Variants in CNTN3 observed in about 807,000 individuals in gnomAD.
The protein encoded by CNTN3 is contactin 3, also known as contactin-3.
In CNTN3, 60 loss-of-function variants were observed where a neutral mutation model predicts 119.1. The observed-to-expected ratio is 0.50, with a 90% CI of 0.41 to 0.62. The LOEUF (loss-of-function observed/expected upper bound fraction) is 0.62, where lower values mean the gene tolerates loss of function less well. Among genes scored for constraint, CNTN3 ranks in the 20% least tolerant of loss-of-function variants. The pLI is 0.00. For synonymous variants in CNTN3, 450 were observed against 438.7 expected (o/e 1.03, Z -0.32); for missense variants, 1,101 against 1,242.4 (o/e 0.89, Z 1.71).
intron 22 of CNTN3, 73 bp downstream of exon 22, chr3:74,266,408 A>C: frequency 1.4e-6 from 2 of 1,397,704 alleles, no homozygotes; most frequent in Non-Finnish European, 2.0e-6. Flanking sequence ...GGACAGAGGG[A>C]TACTGATTGA....
intron 11 of CNTN3, among the ~76,000 whole-genome samples, chr3:74,346,651 T>C (rs1312683169): frequency 1.3e-5 from 2 of 152,012 alleles, no homozygotes; most frequent in Non-Finnish European, 2.9e-5. Context: ...GATCACAATA[T>C]AGGAGGCAGA....
chr3:74,595,017 T>C (rs1158306978), intron 1 of CNTN3, among the ~76,000 whole-genome samples: 8 of 152,222 alleles, frequency 5.3e-5, no homozygotes, highest in African/African-American at 9.6e-5. Context: ...TATCTCATTG[T>C]GGTTTTGATT....
intron 5 of CNTN3, among the ~76,000 whole-genome samples, chr3:74,395,742 G>C (rs553814387): frequency 6.6e-6 from 1 of 152,044 alleles, no homozygotes; most frequent in African/African-American, 2.4e-5. Flanking sequence ...TTTGCTTATT[G>C]TGCTTTGCAG....
intron 4 of CNTN3, among the ~76,000 whole-genome samples, chr3:74,477,428 C>A (rs190575365): frequency 2.0e-5 from 3 of 152,178 alleles, no homozygotes; most frequent in Admixed American, 2.0e-4. Context: ...GCAAGAGGGA[C>A]TCAGTAAAAG....
intron 4 of CNTN3, among the ~76,000 whole-genome samples, chr3:74,454,189 G>A (rs2106956555): frequency 7.8e-6 from 1 of 128,888 alleles, no homozygotes; most frequent in Admixed American, 8.2e-5. Flanking sequence ...ATGAATCTGG[G>A]TGCTCCTGTA....
intron 1 of CNTN3, among the ~76,000 whole-genome samples, chr3:74,537,642 GGGAAGGCAGA>G (rs1283541657): frequency 6.6e-6 from 1 of 152,068 alleles, no homozygotes; most frequent in African/African-American, 2.4e-5. Context: ...CCTTGCAGTA[GGGAAGGCAGA>G]GGAAGGATGG....
At chr3:74,268,226 G>T (rs1368241409) in intron 20 of CNTN3, among the ~76,000 whole-genome samples, 2 of 152,082 alleles carry the variant, frequency 1.3e-5, no homozygotes, top group Admixed American at 6.6e-5. Flanking sequence ...GTTGAGGGAT[G>T]GCCGATAGTA....
chr3:74,441,406 C>T (rs990893931), intron 4 of CNTN3, among the ~76,000 whole-genome samples: 2 of 152,112 alleles, frequency 1.3e-5, no homozygotes, highest in African/African-American at 2.4e-5. Flanking sequence ...ATCCATACTA[C>T]TTGTTTTCTT....
intron 4 of CNTN3, among the ~76,000 whole-genome samples, chr3:74,469,441 T>C (rs1212577776): frequency 1.3e-5 from 2 of 152,100 alleles, no homozygotes; most frequent in Non-Finnish European, 1.5e-5. Flanking sequence ...TGGGAAACAT[T>C]TGCATGTATC....
intron 4 of CNTN3, among the ~76,000 whole-genome samples, chr3:74,431,250 G>A (rs1701778906): frequency 1.3e-5 from 2 of 152,072 alleles, no homozygotes; most frequent in Non-Finnish European, 2.9e-5. Context: ...AAAGAAACTG[G>A]GGTCACTCTG....
At chr3:74,327,762 C>T (rs1345181838) in intron 13 of CNTN3, among the ~76,000 whole-genome samples, 4 of 151,812 alleles carry the variant, frequency 2.6e-5, no homozygotes, top group African/African-American at 9.7e-5. Context: ...CCTAAGTAGA[C>T]AATTTTAATT....
In CNTN3 at chr3:74,337,217, A is replaced by G. The variant is rs537086921; in HGVS notation, c.1365-559T>C. On this transcript the variant is annotated intron_variant, in intron 11 of 22. Coordinates refer to ENST00000263665, the MANE Select transcript of CNTN3 (RefSeq NM_020872.3). ...AAAAGAGCCTAGGCAAATCCAATAA[A>G]CCTTACCTTAGAGTTTCTTAGTATA... Among the ~76,000 whole-genome samples, 7 of 152,150 alleles carry G rather than the reference A, an allele frequency of 4.6e-5. No homozygotes were observed. In the East Asian group the frequency reaches 1.4e-3, roughly 29 times the overall value.
intron 20 of CNTN3, among the ~76,000 whole-genome samples, chr3:74,270,718 G>C (rs770318489): frequency 6.6e-5 from 10 of 152,166 alleles, no homozygotes; most frequent in Non-Finnish European, 8.8e-5. Context: ...CTGTGTGGAA[G>C]TGCAACCCAG....
intron 1 of CNTN3, among the ~76,000 whole-genome samples, chr3:74,586,508 T>G (rs866407816): frequency 1.6e-4 from 24 of 152,150 alleles, no homozygotes; most frequent in Non-Finnish European, 4.4e-5. Context: ...GATTGCTTTA[T>G]AATTTATAGA....
intron 1 of CNTN3, among the ~76,000 whole-genome samples, chr3:74,537,339 T>C (rs906026930): frequency 1.2e-4 from 19 of 152,242 alleles, no homozygotes; most frequent in African/African-American, 4.6e-4. Flanking sequence ...CTTGGCTCCA[T>C]ATCAGACCAT....
At chr3:74,603,336 T>C (rs1704941765) in intron 1 of CNTN3, among the ~76,000 whole-genome samples, 1 of 152,082 alleles carries the variant, frequency 6.6e-6, no homozygotes. Context: ...GGTGGATACA[T>C]ATGTGGTCCT....
intron 4 of CNTN3, among the ~76,000 whole-genome samples, chr3:74,439,352 C>A (rs1467266214): frequency 6.6e-6 from 1 of 151,954 alleles, no homozygotes; most frequent in Non-Finnish European, 1.5e-5. Flanking sequence ...ACTAAAAATA[C>A]AAAAATTAGC....
intron 13 of CNTN3, among the ~76,000 whole-genome samples, chr3:74,325,842 T>C (rs544862145): frequency 6.6e-6 from 1 of 152,300 alleles, no homozygotes; most frequent in Non-Finnish European, 1.5e-5. Flanking sequence ...TGAAACTATA[T>C]GTGTGTCACA....
At chr3:74,348,038 G>A (rs143422248) in intron 11 of CNTN3, among the ~76,000 whole-genome samples, 2 of 152,332 alleles carry the variant, frequency 1.3e-5, no homozygotes, top group African/African-American at 4.8e-5. Flanking sequence ...GAGGATGGGG[G>A]AGATGGAGAA....
Sources: allele counts gnomAD v4.1 joint callset (sites outside exome capture counted in the v4.1 genomes callset), GRCh38; gene constraint gnomAD v4.1.1; transcripts MANE v1.5; gene names NCBI Gene and HGNC (gene_info 2026-07-23, HGNC 2026-07-21).